MYRF: variants seen among roughly 807,000 people sequenced by gnomAD.
MYRF encodes the protein myelin regulatory factor, also known as myelin gene regulatory factor.
Under a neutral mutation model 126.3 loss-of-function variants are expected in MYRF, and 16 were observed. The ratio of observed to expected loss-of-function variants is 0.13; its 90% CI spans 0.09 to 0.19. MYRF has a LOEUF of 0.19. Among genes scored for constraint, MYRF ranks in the 10% least tolerant of loss-of-function variants. MYRF has a pLI of 1.00. For missense variants in MYRF, 1,104 were observed against 1,547.0 expected, an observed-to-expected ratio of 0.71 and a Z score of 4.80; for synonymous variants, 608 against 635.3, an observed-to-expected ratio of 0.96 and a Z score of 0.65.
chr11:61,784,329 G>A lies in MYRF; in HGVS notation c.3244G>A (p.Glu1082Lys), dbSNP rs1170459932. The A allele has an allele frequency of 6.2e-7, 1 of 1,613,654 alleles. No homozygotes were observed. Among genetic ancestry groups the A allele is most frequent in the South Asian group, 1.1e-5 (1 of 91,070 alleles). Reference protein sequence around the residue: ...VVLCSLRSKEEPCEEGSLPQS... With the variant: ...VVLCSLRSKEKPCEEGSLPQS... Reference sequence around the variant, plus strand: ...GCTGTGCAGCCTGAGGTCAAAGGAGGAACCATGTGAGGAGGGGAGCCTTCC... The same window carrying A: ...GCTGTGCAGCCTGAGGTCAAAGGAGAAACCATGTGAGGAGGGGAGCCTTCC... The change falls in exon 25 of 27, where the codon GAA becomes AAA. Residue 1082 changes from glutamate to lysine, a missense_variant. Physicochemically the swap from Glu to Lys is moderately conservative, Grantham distance 56. Coordinates refer to ENST00000278836, the MANE Select transcript of MYRF (RefSeq NM_001127392.3).
rs1219431148 is a variant in MYRF at position 61,776,438 on chromosome 11, C to T, written c.1499+6C>T. ...AAGCCCAACCCGGACCAGAGGTGAG[C>T]AGGTGGGGGCCCTGCCCCGGAGCCC... is the stretch of plus-strand genomic sequence containing the variant. On this transcript the variant is annotated splice_donor_region_variant and intron_variant, in intron 10 of 26. Transcript: ENST00000278836. This position sits in a 1 kb window ranked among gnomAD's most constrained non-coding sequence, Gnocchi z 4.3. The T allele has an allele frequency of 1.2e-6, 2 of 1,609,292 alleles. No homozygotes were observed. The highest frequency in any genetic ancestry group is 1.7e-6 in the Non-Finnish European group (2 of 1,177,888).
chr11:61,755,336 G>A (rs2065719550), intron 1 of MYRF: 23 of 1,572,122 alleles, frequency 1.5e-5, no homozygotes, highest in Middle Eastern at 1.9e-4. Context: ...CCGGGCCCCC[G>A]TGACCGCCCG....
Position 61,780,997 on chromosome 11 carries a change from TC to T in MYRF, c.2529del (p.Leu844Ter). On this transcript the variant is annotated frameshift_variant, in exon 20 of 27. Transcript: ENST00000278836. LOFTEE classifies it high-confidence loss of function. ...QSFGTTQLRQ[S>X]PLTTGLPGIQ... ...CTTTGGGACCACGCAGCTCCGACAGTCCCCCTTGACCACGGGGCTACCAGGC... is the reference window on the plus strand; with the variant it reads ...CTTTGGGACCACGCAGCTCCGACAGTCCCCTTGACCACGGGGCTACCAGGC... 2 of 1,610,056 alleles carry T rather than the reference TC, an allele frequency of 1.2e-6. No individual in the cohort carries two copies.
chr11:61,770,287 C>G lies in MYRF; in HGVS notation c.502C>G (p.His168Asp). ...LRTITPETLC[H>D]VGVPSRLEHP... is the part of the protein sequence containing the mutation. ...CACGATAACCCCTGAGACACTGTGC[C>G]ACGTGGGAGTGCCCTCCCGCCTGGA... Residue 168 changes from histidine (H) to aspartate (D), a missense_variant, in exon 5 of 27, where the codon CAC becomes GAC. Physicochemically the swap from His to Asp is moderately conservative, Grantham distance 81 (BLOSUM62 -1). This residue lies in a region of MYRF where 368 missense variants were observed against 403.9 expected (regional missense o/e 0.91). Transcript: ENST00000278836. The G allele has an allele frequency of 6.2e-7, 1 of 1,608,152 alleles. No individual in the cohort carries two copies. The highest frequency in any genetic ancestry group is 8.5e-7 in the Non-Finnish European group (1 of 1,178,742).
Position 61,777,321 on chromosome 11 carries a change from G to A in MYRF, c.1648G>A (p.Val550Met). ...DSDVLWQRAQ[V>M]PDTVFHHGRV... is the part of the protein sequence containing the mutation. Reference sequence around the variant, plus strand: ...CGATGTGTTGTGGCAGCGGGCACAGGTGCCCGACACCGTCTTCCACCACGG... The same window carrying A: ...CGATGTGTTGTGGCAGCGGGCACAGATGCCCGACACCGTCTTCCACCACGG... Residue 550 changes from valine (V) to methionine (M), a missense_variant, in exon 12 of 27, where the codon GTG becomes ATG. Coordinates refer to ENST00000278836, the MANE Select transcript of MYRF (RefSeq NM_001127392.3). The surrounding 1 kb of genome is among the most constrained non-coding windows in gnomAD (Gnocchi z 8.8). 6.2e-7 allele frequency: 1 copy of A among 1,613,406 alleles called. No homozygotes were observed. Among genetic ancestry groups the A allele is most frequent in the East Asian group, 2.2e-5 (1 of 44,884 alleles).
At position 61,777,196 on chromosome 11, in the gene MYRF, C is replaced by T; in HGVS notation, c.1591-68C>T. 6 of 1,523,418 alleles carry T rather than the reference C, an allele frequency of 3.9e-6. No individual in the cohort carries two copies. The highest frequency in any genetic ancestry group is 5.4e-6 in the Non-Finnish European group (6 of 1,116,650). The allele number at this position is 1,523,418 out of a possible 1,614,324, so 94.4% of individuals were successfully genotyped here. A position where few individuals can be genotyped will look rare whatever the true frequency, so the allele number is the denominator to read the frequency against. On this transcript the variant is annotated intron_variant, in intron 11 of 26. Coordinates refer to ENST00000278836, the MANE Select transcript of MYRF (RefSeq NM_001127392.3). The surrounding 1 kb of genome is among the most constrained non-coding windows in gnomAD (Gnocchi z 8.8). Reference sequence around the variant, plus strand: ...GGGAGGGGCTGCTGTGGAGTTTCCCCCTGCTCCCAGGGCCCTGCAGGTCCC... The same window carrying T: ...GGGAGGGGCTGCTGTGGAGTTTCCCTCTGCTCCCAGGGCCCTGCAGGTCCC...
Position 61,777,136 on chromosome 11 carries a change from T to C in MYRF, c.1591-128T>C, listed in dbSNP as rs547462335. 5.0e-6 allele frequency: 5 copies of C among 1,009,524 alleles called. No homozygotes were observed. Among genetic ancestry groups the C allele is most frequent in the South Asian group, 1.6e-5 (1 of 63,442 alleles). The allele number at this position is 1,009,524 out of a possible 1,614,324, so 62.5% of individuals were successfully genotyped here. On this transcript the variant is annotated intron_variant, in intron 11 of 26. Transcript: ENST00000278836. This position sits in a 1 kb window ranked among gnomAD's most constrained non-coding sequence, Gnocchi z 8.8. ...GTCACAGTGGGAGGGACAGTTCAAG[T>C]TGGGCTTGGTGCAGTGAGAAACCCT...
At chr11:61,785,473 A>C in intron 25 of MYRF, 1 of 322,080 alleles carries the variant, frequency 3.1e-6, no homozygotes, top group Non-Finnish European at 5.8e-6. Context: ...GTGTCACTGG[A>C]TTGTACTGAG....
rs1353762232 is a variant in MYRF, at chr11:61,776,768, A to T, written c.1500-19A>T. ...CGGGGGCAGGCCATGAGTACTTCTG[A>T]GACCCCTGTGTGTCCCAGGTACTTC... is the stretch of plus-strand genomic sequence containing the variant. On this transcript the variant is annotated intron_variant, in intron 10 of 26. Transcript: ENST00000278836. This position sits in a 1 kb window ranked among gnomAD's most constrained non-coding sequence, Gnocchi z 4.3. 1.3e-5 allele frequency: 20 copies of T among 1,573,684 alleles called. No individual in the cohort carries two copies. Among genetic ancestry groups the T allele is most frequent in the Non-Finnish European group, 1.7e-5 (20 of 1,158,108 alleles).
chr11:61,768,022 G>A (rs900135125), intron 3 of MYRF, among the ~76,000 whole-genome samples: 3 of 151,540 alleles, frequency 2.0e-5, no homozygotes, highest in Admixed American at 2.0e-4. Context: ...GGAGGCTGAG[G>A]CACAAGAATC....
At chr11:61,775,720 GTGTC>G (rs1452211151) in intron 8 of MYRF, among the ~76,000 whole-genome samples, 2 of 151,818 alleles carry the variant, frequency 1.3e-5, no homozygotes, top group African/African-American at 4.8e-5. Context: ...GTGTGTGTGT[GTGTC>G]TGTGTGTGAG....
intron 14 of MYRF, 180 bp from the exon 15 acceptor site, chr11:61,779,083 G>C (rs1457763478): frequency 3.0e-6 from 2 of 659,440 alleles, no homozygotes; most frequent in East Asian, 5.5e-5. Context: ...AGGCACAGGA[G>C]CTGTGGGAGC....
At chr11:61,785,521 T>C (rs1022664164) in intron 25 of MYRF, 19 of 516,412 alleles carry the variant, frequency 3.7e-5, no homozygotes, top group Non-Finnish European at 6.0e-5. Flanking sequence ...GCCCAGAGCA[T>C]AGTGGGTGAG....
rs2066448135 is a variant in MYRF at position 61,778,477 on chromosome 11, G to A, written c.2001G>A (p.Leu667=). ...FANGKTIENF[L]VVNKERIFME... ...ATGGGAAAACCATAGAGAACTTCCT[G>A]GTGGTGAACAAGGTCTGTGGGTGGG... The change falls in exon 14 of 27, where the codon CTG becomes CTA. Residue 667 remains leucine, a synonymous_variant. Transcript: ENST00000278836. This position sits in a 1 kb window ranked among gnomAD's most constrained non-coding sequence, Gnocchi z 4.6. The A allele has an allele frequency of 4.3e-6, 7 of 1,613,370 alleles. No homozygotes were observed. The highest frequency in any genetic ancestry group is 5.1e-6 in the Non-Finnish European group (6 of 1,179,464).
chr11:61,763,531 G>A (rs531291708), intron 1 of MYRF, among the ~76,000 whole-genome samples: 5 of 152,200 alleles, frequency 3.3e-5, no homozygotes, highest in African/African-American at 7.2e-5. Flanking sequence ...GTAACACACC[G>A]CAGGTGAAGA....
In MYRF at chr11:61,776,920, G is replaced by C. The variant is rs768219064; in HGVS notation, c.1590+43G>C. 4 of 1,492,534 alleles carry C rather than the reference G, an allele frequency of 2.7e-6. No individual in the cohort carries two copies. The East Asian group carries it at 9.4e-5, about 35-fold the overall frequency. The allele number at this position is 1,492,534 out of a possible 1,614,324, so 92.5% of individuals were successfully genotyped here. A position where few individuals can be genotyped will look rare whatever the true frequency, so the allele number is the denominator to read the frequency against. On this transcript the variant is annotated intron_variant, in intron 11 of 26. Coordinates refer to ENST00000278836, the MANE Select transcript of MYRF (RefSeq NM_001127392.3). The surrounding 1 kb of genome is among the most constrained non-coding windows in gnomAD (Gnocchi z 4.3). ...CCAGGGCGTAGACAGCCCTCCCCAGGACTGGGAGAAACAGCAAGCAGAAGT... is the reference window on the plus strand; with the variant it reads ...CCAGGGCGTAGACAGCCCTCCCCAGCACTGGGAGAAACAGCAAGCAGAAGT...
Position 61,779,335 on chromosome 11 carries a change from A to G in MYRF, c.2086A>G (p.Ile696Val). The change falls in exon 15 of 27, where the codon ATT becomes GTT. Residue 696 changes from isoleucine (I) to valine (V), a missense_variant. Coordinates refer to ENST00000278836, the MANE Select transcript of MYRF (RefSeq NM_001127392.3). The part of the protein sequence containing the change: ...CKLTDNLETR[I>V]DELERWSHKL... ...GCTGACAGACAACCTGGAGACGCGC[A>G]TTGATGAGCTGGAGCGCTGGAGCCA... 6.4e-7 allele frequency: 1 copy of G among 1,551,110 alleles called. No individual in the cohort carries two copies. The highest frequency in any genetic ancestry group is 8.7e-7 in the Non-Finnish European group (1 of 1,146,920).
rs751382867 is a variant in MYRF at position 61,779,554 on chromosome 11, C to G, written c.2231C>G (p.Pro744Arg). Residue 744 changes from proline (P) to arginine (R), a missense_variant, in exon 16 of 27, where the codon CCC becomes CGC. Pro to Arg is a moderately radical substitution (Grantham distance 103). Transcript: ENST00000278836. ...AGCGTCCCCCACAAGAAGAGGCCCC[C>G]CAAGGTGGCCAGCAAGGTAGGGGTG... ...AGSVPHKKRP[P>R]KVASKSSSVV... is the part of the protein sequence containing the mutation. 6.6e-7 allele frequency: 1 copy of G among 1,503,808 alleles called. No individual in the cohort carries two copies. The highest frequency in any genetic ancestry group is 1.4e-5 in the African/African-American group (1 of 71,550). The allele number at this position is 1,503,808 out of a possible 1,614,324, so 93.2% of individuals were successfully genotyped here.
chr11:61,765,946 C>G lies in MYRF; in HGVS notation c.135-12C>G, dbSNP rs548654041. 2.0e-4 allele frequency: 303 copies of G among 1,490,648 alleles called. No individual in the cohort carries two copies. The highest frequency in any genetic ancestry group is 7.6e-4 in the Middle Eastern group (4 of 5,280). The allele number at this position is 1,490,648 out of a possible 1,614,324, so 92.3% of individuals were successfully genotyped here. ...GTCCTGGCTGGAGCTGAGCCGCCCCCCTTCCCCGCAGCTGCTTCCCTGACA... is the reference window on the plus strand; with the variant it reads ...GTCCTGGCTGGAGCTGAGCCGCCCCGCTTCCCCGCAGCTGCTTCCCTGACA... On this transcript the variant is annotated splice_polypyrimidine_tract_variant and intron_variant, in intron 2 of 26. Coordinates refer to ENST00000278836, the MANE Select transcript of MYRF (RefSeq NM_001127392.3).
Sources: allele counts gnomAD v4.1 joint callset (sites outside exome capture counted in the v4.1 genomes callset), GRCh38; gene constraint gnomAD v4.1.1; regional missense constraint gnomAD v4.1.1; non-coding constraint Gnocchi (gnomAD v3.1); transcripts MANE v1.5; gene names NCBI Gene and HGNC (gene_info 2026-07-23, HGNC 2026-07-21).